Variants in EPN2 observed in about 807,000 individuals in gnomAD.
The protein encoded by EPN2 is epsin 2.
EPN2 carries 34 observed loss-of-function variants against 61.7 expected under a neutral mutation model. The ratio of observed to expected loss-of-function variants is 0.55; its 90% confidence interval spans 0.42 to 0.73. The LOEUF is 0.73. EPN2 is among the 30% of genes least tolerant of loss of function. The probability of loss-of-function intolerance (pLI) is 0.00; values close to 1 mark genes in which losing one functional copy is unlikely to be tolerated. For missense variants in EPN2, 714 were observed against 839.2 expected (o/e 0.85, Z 1.84); for synonymous variants, 349 against 353.6 (o/e 0.99, Z 0.15).
intron 1 of EPN2, among the ~76,000 whole-genome samples, chr17:19,270,473 G>T (rs909434841): frequency 6.6e-6 from 1 of 152,200 alleles, no homozygotes; most frequent in Admixed American, 6.5e-5. Flanking sequence ...GCCTCTGTAG[G>T]CTTTCATCTC....
chr17:19,288,254 G>C (rs1049852622), intron 4 of EPN2, among the ~76,000 whole-genome samples: 2 of 152,200 alleles, frequency 1.3e-5, no homozygotes, highest in African/African-American at 4.8e-5. Flanking sequence ...TTGAAGCCTG[G>C]TCTACCTGCC....
At chr17:19,333,898 G>A in intron 10 of EPN2, 58 bp from the exon 11 acceptor site, 2 of 1,431,832 alleles carry the variant, frequency 1.4e-6, no homozygotes, top group Non-Finnish European at 1.9e-6. Context: ...CCTGACCTGG[G>A]AGCTCAGAAA....
Position 19,335,689 on chromosome 17 carries a change from G to T in EPN2, c.*1435G>T. On this transcript the variant is annotated 3_prime_UTR_variant, in exon 11 of 11. Transcript: ENST00000314728. ...TAACTCCAGATATTATTTTTAAGTT[G>T]GAGACCTAAAAATAATTCTCTTGTA... 1 of 398,752 alleles carries T rather than the reference G, an allele frequency of 2.5e-6. No homozygotes were observed. Among genetic ancestry groups the T allele is most frequent in the Non-Finnish European group, 4.4e-6 (1 of 225,680 alleles). 24.7% of individuals were successfully genotyped at this position (398,752 alleles called of 1,614,324 possible).
At chr17:19,328,158 G>C (rs182973721) in intron 7 of EPN2, among the ~76,000 whole-genome samples, 3 of 152,278 alleles carry the variant, frequency 2.0e-5, no homozygotes, top group Admixed American at 1.3e-4. Context: ...AAGTTGGGTG[G>C]TAAGTATGTA....
chr17:19,335,743 C>T lies in EPN2; in HGVS notation c.*1489C>T, dbSNP rs775620057. The T allele has an allele frequency of 3.7e-5, 12 of 324,922 alleles. No homozygotes were observed. Among genetic ancestry groups the T allele is most frequent in the Non-Finnish European group, 6.7e-5 (12 of 179,470 alleles). 20.1% of individuals were successfully genotyped at this position (324,922 alleles called of 1,614,324 possible). A position where few individuals can be genotyped will look rare whatever the true frequency, so the allele number is the denominator to read the frequency against. ...TGGAGATGAAGAAAAAAGTCATTCA[C>T]CTGGGAGGGATTTTTAACAAACATG... On this transcript the variant is annotated 3_prime_UTR_variant, in exon 11 of 11. Coordinates refer to ENST00000314728, the MANE Select transcript of EPN2 (RefSeq NM_014964.5).
At chr17:19,313,355 C>A in intron 7 of EPN2, 76 bp downstream of exon 7, 1 of 1,393,042 alleles carries the variant, frequency 7.2e-7, no homozygotes, top group Non-Finnish European at 9.6e-7. Context: ...CTTGCTGTCT[C>A]TCACCCACTT....
intron 6 of EPN2, 195 bp from the exon 7 acceptor site, chr17:19,312,906 GTAAA>G: frequency 3.4e-6 from 2 of 590,618 alleles, no homozygotes; most frequent in South Asian, 4.0e-5. Flanking sequence ...TTAGCAAACA[GTAAA>G]TAGCTTGTTG....
intron 6 of EPN2, among the ~76,000 whole-genome samples, chr17:19,312,724 G>T (rs1906203971): frequency 6.6e-6 from 1 of 152,210 alleles, no homozygotes; most frequent in Non-Finnish European, 1.5e-5. Flanking sequence ...GTGGTCTTGA[G>T]AGTGGGGAGC....
chr17:19,317,277 G>T (rs1240767825), intron 7 of EPN2, among the ~76,000 whole-genome samples: 3 of 152,212 alleles, frequency 2.0e-5, no homozygotes, highest in Non-Finnish European at 4.4e-5. Context: ...GAGCCTGCCA[G>T]GTCAGTGGGG....
rs1003722009 is a variant in EPN2 at position 19,309,783 on chromosome 17, G to A, written c.767-102G>A. Reference sequence around the variant, plus strand: ...TTGTTGGGCTACTGCTGGACCTTGCGGGTTTGAGATGGGAATGGAATGTGG... The same window carrying A: ...TTGTTGGGCTACTGCTGGACCTTGCAGGTTTGAGATGGGAATGGAATGTGG... On this transcript the variant is annotated intron_variant, in intron 4 of 10. Coordinates refer to ENST00000314728, the MANE Select transcript of EPN2 (RefSeq NM_014964.5). 131 of 834,030 alleles carry A rather than the reference G, an allele frequency of 1.6e-4. No individual in the cohort carries two copies. In the African/African-American group the frequency reaches 1.8e-3, roughly 11 times the overall value. 51.7% of individuals were successfully genotyped at this position (834,030 alleles called of 1,614,324 possible).
In EPN2 at chr17:19,335,726, A is replaced by C. The variant is rs959652255; in HGVS notation, c.*1472A>C. ...ATAATTCTCTTGTATTTTGGAGATG[A>C]AGAAAAAAGTCATTCACCTGGGAGG... On this transcript the variant is annotated 3_prime_UTR_variant, in exon 11 of 11. Coordinates refer to ENST00000314728, the MANE Select transcript of EPN2 (RefSeq NM_014964.5). 2 of 357,116 alleles carry C rather than the reference A, an allele frequency of 5.6e-6. No homozygotes were observed. Among genetic ancestry groups the C allele is most frequent in the Non-Finnish European group, 1.0e-5 (2 of 199,968 alleles). 22.1% of individuals were successfully genotyped at this position (357,116 alleles called of 1,614,324 possible). A position where few individuals can be genotyped will look rare whatever the true frequency, so the allele number is the denominator to read the frequency against.
At chr17:19,271,111 CCAGG>C (rs1448863992) in intron 1 of EPN2, among the ~76,000 whole-genome samples, 1 of 152,002 alleles carries the variant, frequency 6.6e-6, no homozygotes, top group Non-Finnish European at 1.5e-5. Flanking sequence ...TGAGTGTGTG[CCAGG>C]CACTGTTCTA....
chr17:19,260,904 T>A (rs1040240415), intron 1 of EPN2, among the ~76,000 whole-genome samples: 1 of 152,346 alleles, frequency 6.6e-6, no homozygotes, highest in East Asian at 1.9e-4. Flanking sequence ...GTGCTTTTTT[T>A]AACTTATTGT....
chr17:19,239,606 G>A (rs987884412), intron 1 of EPN2, among the ~76,000 whole-genome samples: 1 of 152,176 alleles, frequency 6.6e-6, no homozygotes, highest in Non-Finnish European at 1.5e-5. Flanking sequence ...TTTTGGTAAA[G>A]TGTAAGTTAC....
At chr17:19,290,204 A>G (rs1025408455) in intron 4 of EPN2, among the ~76,000 whole-genome samples, 1 of 152,146 alleles carries the variant, frequency 6.6e-6, no homozygotes, top group Admixed American at 6.5e-5. Context: ...CCTCAGGCCC[A>G]GGGGGTTGAG....
At chr17:19,314,622 G>A (rs1906299592) in intron 7 of EPN2, among the ~76,000 whole-genome samples, 2 of 152,196 alleles carry the variant, frequency 1.3e-5, no homozygotes, top group South Asian at 2.1e-4. Flanking sequence ...GCTTGATGGT[G>A]GCCTCTGTAA....
At chr17:19,299,899 C>T (rs765468719) in intron 4 of EPN2, among the ~76,000 whole-genome samples, 1 of 152,176 alleles carries the variant, frequency 6.6e-6, no homozygotes, top group Non-Finnish European at 1.5e-5. Context: ...GAAGTTAGAG[C>T]CATTATTTGT....
chr17:19,332,904 CA>C (rs1907228042), intron 10 of EPN2, among the ~76,000 whole-genome samples: 1 of 152,270 alleles, frequency 6.6e-6, no homozygotes, highest in South Asian at 2.1e-4. Context: ...AGGCTGGCCC[CA>C]CCATGTAGGG....
At chr17:19,317,594 CG>C (rs1026710313) in intron 7 of EPN2, among the ~76,000 whole-genome samples, 5 of 152,174 alleles carry the variant, frequency 3.3e-5, no homozygotes, top group Non-Finnish European at 5.9e-5. Context: ...GGGAGGCGAC[CG>C]GGACACAGGC....
Sources: gnomAD v4.1 joint callset for allele counts (sites outside exome capture counted in the v4.1 genomes callset) on GRCh38, gnomAD v4.1.1 for gene constraint, MANE v1.5 for transcripts, NCBI Gene and HGNC (gene_info 2026-07-23, HGNC 2026-07-21) for gene names.